CTPS2: variants seen among roughly 807,000 people sequenced by gnomAD.
CTPS2 encodes CTP synthase II.
In CTPS2, 19 loss-of-function variants were observed where a neutral mutation model predicts 46.8. The observed-to-expected ratio is 0.41, with a 90% CI of 0.28 to 0.60. The LOEUF is 0.60. Ranked by LOEUF, CTPS2 falls within the 20% of genes least tolerant of loss-of-function variation. The probability of loss-of-function intolerance (pLI) is 0.35; values close to 1 mark genes in which losing one functional copy is unlikely to be tolerated. For missense variants in CTPS2, 286 were observed against 447.6 expected (o/e 0.64, Z 3.26); for synonymous variants, 151 against 165.2 (o/e 0.91, Z 0.66).
At chrX:16,668,807 A>G (rs1921458595) in intron 11 of CTPS2, among the ~76,000 whole-genome samples, 1 of 108,386 alleles carries the variant, frequency 9.2e-6, no homozygotes, top group African/African-American at 3.4e-5. Flanking sequence ...GGAAGGAAGG[A>G]AGGAAGGAAA....
chrX:16,678,437 A>G lies in CTPS2; in HGVS notation c.1019T>C (p.Ile340Thr). The change falls in exon 10 of 19, where the codon ATT becomes ACT. Residue 340 changes from isoleucine to threonine, a missense_variant. Transcript: ENST00000359276. ...GGTTTCAGTGATCTTCTCCAGATCA[A>G]TGGAGTCTATGTACTAAAAAACATC... is the stretch of plus-strand genomic sequence containing the variant. ...HKLNLMYIDS[I>T]DLEKITETED... 4 of 1,179,920 alleles carry G rather than the reference A, an allele frequency of 3.4e-6. No homozygotes were observed. The highest frequency in any genetic ancestry group is 4.6e-6 in the Non-Finnish European group (4 of 868,237).
At chrX:16,647,482 G>A (rs937423322) in intron 13 of CTPS2, among the ~76,000 whole-genome samples, 3 of 107,870 alleles carry the variant, frequency 2.8e-5, no homozygotes, top group Non-Finnish European at 5.7e-5. Context: ...TGGTCAGGCT[G>A]GTCTCGAACT....
chrX:16,633,894 G>A (rs755472483), intron 14 of CTPS2, among the ~76,000 whole-genome samples: 19 of 111,755 alleles, frequency 1.7e-4, no homozygotes, highest in Admixed American at 1.5e-3. Context: ...CATACCCTTT[G>A]ACCTAATAAT....
chrX:16,633,409 A>T (rs1296355968), intron 14 of CTPS2, among the ~76,000 whole-genome samples: 1 of 111,670 alleles, frequency 9.0e-6, no homozygotes, highest in African/African-American at 3.3e-5. Flanking sequence ...TGGTTTTTAC[A>T]TTTTAAATTG....
intron 4 of CTPS2, among the ~76,000 whole-genome samples, chrX:16,697,214 T>TA (rs1924179764): frequency 9.1e-6 from 1 of 110,435 alleles, no homozygotes; most frequent in Non-Finnish European, 1.9e-5. Context: ...CTCCAGACTC[T>TA]TAATCACTGA....
intron 14 of CTPS2, among the ~76,000 whole-genome samples, chrX:16,632,491 G>A (rs1343871300): frequency 1.9e-5 from 2 of 107,471 alleles, no homozygotes; most frequent in African/African-American, 3.4e-5. Context: ...GCATGATCTC[G>A]GCTCACTGCA....
intron 17 of CTPS2, among the ~76,000 whole-genome samples, chrX:16,599,607 G>T (rs1929526668): frequency 9.2e-6 from 1 of 108,517 alleles, no homozygotes; most frequent in African/African-American, 3.4e-5. Flanking sequence ...CTCCCGAGTA[G>T]CTGGGATTAC....
At chrX:16,631,363 T>A (rs1453413346) in intron 14 of CTPS2, among the ~76,000 whole-genome samples, 1 of 98,311 alleles carries the variant, frequency 1.0e-5, no homozygotes, top group Non-Finnish European at 2.1e-5. Flanking sequence ...AAAAAAAAAA[T>A]TAGAAATTAG....
chrX:16,618,323 AT>A (rs1198826860), intron 15 of CTPS2, among the ~76,000 whole-genome samples: 2 of 111,748 alleles, frequency 1.8e-5, no homozygotes, highest in East Asian at 5.6e-4. Flanking sequence ...AATACACCAC[AT>A]TTTGCTTATC....
At chrX:16,704,624 A>G (rs1001137379) in intron 1 of CTPS2, among the ~76,000 whole-genome samples, 6 of 111,666 alleles carry the variant, frequency 5.4e-5, no homozygotes, top group African/African-American at 2.0e-4. Flanking sequence ...AGAATGGACA[A>G]CAGGAAGAGC....
At chrX:16,619,832 G>C (rs1930724718) in intron 15 of CTPS2, among the ~76,000 whole-genome samples, 1 of 111,254 alleles carries the variant, frequency 9.0e-6, no homozygotes, top group Non-Finnish European at 1.9e-5. Flanking sequence ...TTCCAAAGAG[G>C]TTCTCAAACT....
intron 10 of CTPS2, among the ~76,000 whole-genome samples, chrX:16,674,753 A>G (rs12013657): frequency 0.012 from 1,271 of 106,356 alleles, 18 homozygotes; most frequent in African/African-American, 0.041. Context: ...CAGGAGAATG[A>G]CATGAACCCA....
At chrX:16,666,052 G>A (rs1166346839) in intron 13 of CTPS2, among the ~76,000 whole-genome samples, 2 of 112,373 alleles carry the variant, frequency 1.8e-5, no homozygotes, top group African/African-American at 3.2e-5. Context: ...GCATCTGGCC[G>A]GATTATACAG....
chrX:16,709,336 G>A (rs1188142838), intron 1 of CTPS2, among the ~76,000 whole-genome samples: 4 of 108,512 alleles, frequency 3.7e-5, no homozygotes, highest in Non-Finnish European at 5.7e-5. Flanking sequence ...GCTGAGGCAC[G>A]AGAATTGCTT....
intron 17 of CTPS2, among the ~76,000 whole-genome samples, chrX:16,599,779 C>A (rs1225233266): frequency 9.4e-6 from 1 of 106,663 alleles, no homozygotes; most frequent in Non-Finnish European, 1.9e-5. Context: ...CCCGGCACCC[C>A]CCCCCTTTTT....
chrX:16,708,973 G>T (rs1017754084), intron 1 of CTPS2, among the ~76,000 whole-genome samples: 5 of 110,493 alleles, frequency 4.5e-5, no homozygotes, highest in African/African-American at 9.9e-5. Context: ...GCCAGGCGTG[G>T]TGGCAGGCGC....
intron 17 of CTPS2, among the ~76,000 whole-genome samples, chrX:16,605,260 A>G (rs745545155): frequency 8.9e-6 from 1 of 111,760 alleles, no homozygotes; most frequent in African/African-American, 3.3e-5. Flanking sequence ...CTGGGCAGAA[A>G]CATCACATAG....
intron 13 of CTPS2, among the ~76,000 whole-genome samples, chrX:16,639,812 A>G (rs868756263): frequency 9.3e-6 from 1 of 107,558 alleles, no homozygotes; most frequent in East Asian, 3.1e-4. Context: ...AAAGAAAGAA[A>G]GAAAGAAAGA....
chrX:16,601,351 C>T (rs2147171554), intron 17 of CTPS2, among the ~76,000 whole-genome samples: 1 of 110,910 alleles, frequency 9.0e-6, no homozygotes, highest in South Asian at 3.9e-4. Flanking sequence ...TAATAATTCA[C>T]CTCCGATTCG....
Sources: allele counts gnomAD v4.1 joint callset (sites outside exome capture counted in the v4.1 genomes callset), GRCh38; gene constraint gnomAD v4.1.1; transcripts MANE v1.5; gene names NCBI Gene and HGNC (gene_info 2026-07-23, HGNC 2026-07-21).